ARHGAP42: variants seen among roughly 807,000 people sequenced by gnomAD.
The protein encoded by ARHGAP42 is rho GTPase-activating protein 42.
A neutral mutation model predicts 125.0 loss-of-function variants in ARHGAP42; 63 were observed. The ratio of observed to expected loss-of-function variants is 0.50; its 90% CI spans 0.41 to 0.62. ARHGAP42 has a LOEUF of 0.62. ARHGAP42 is among the 20% of genes least tolerant of loss of function. The pLI, the probability that ARHGAP42 is intolerant of heterozygous loss-of-function variation, is 0.00. For missense variants in ARHGAP42, 766 were observed against 1,024.2 expected (o/e 0.75, Z 3.44); for synonymous variants, 339 against 351.0 (o/e 0.97, Z 0.38).
intron 3 of ARHGAP42, among the ~76,000 whole-genome samples, chr11:100,840,912 G>A (rs1864932223): frequency 1.3e-5 from 2 of 152,096 alleles, no homozygotes; most frequent in African/African-American, 4.8e-5. Flanking sequence ...TTAAACAATT[G>A]TAAATTTTAT....
chr11:100,927,923 C>T (rs537530416), intron 6 of ARHGAP42, among the ~76,000 whole-genome samples: 1 of 152,296 alleles, frequency 6.6e-6, no homozygotes, highest in South Asian at 2.1e-4. Flanking sequence ...TGGCCACTTT[C>T]CATTCTTGGC....
At chr11:100,770,607 T>A (rs1862951016) in intron 2 of ARHGAP42, among the ~76,000 whole-genome samples, 169 bp downstream of exon 2, 1 of 152,182 alleles carries the variant, frequency 6.6e-6, no homozygotes, top group South Asian at 2.1e-4. Flanking sequence ...AGACAGAGTC[T>A]CTCTCTGTCA....
chr11:100,892,360 T>G (rs1866240013), intron 4 of ARHGAP42, among the ~76,000 whole-genome samples: 1 of 152,276 alleles, frequency 6.6e-6, no homozygotes, highest in East Asian at 1.9e-4. Context: ...GTCCAGATGC[T>G]TTGGTAGCTC....
At chr11:100,790,481 G>T (rs1863539936) in intron 2 of ARHGAP42, among the ~76,000 whole-genome samples, 1 of 152,016 alleles carries the variant, frequency 6.6e-6, no homozygotes, top group South Asian at 2.1e-4. Context: ...TTGTTCTTTA[G>T]TAATCTCATG....
In ARHGAP42 at chr11:100,741,330, C is replaced by A. The variant is rs533251816; in HGVS notation, c.155-29013C>A. Among the ~76,000 whole-genome samples the A allele has an allele frequency of 3.9e-5, 6 of 152,102 alleles. No homozygotes were observed. The South Asian group carries it at 6.2e-4, about 16-fold the overall frequency. On this transcript the variant is annotated intron_variant, in intron 1 of 23. Coordinates refer to ENST00000298815, the MANE Select transcript of ARHGAP42 (RefSeq NM_152432.4). ...ACAGGCGTGAGCCACCGCCCCTGGC[C>A]GAAGAAATCTTATTCTTATAGTTAG... is the stretch of plus-strand genomic sequence containing the variant.
chr11:100,854,816 A>G lies in ARHGAP42; in HGVS notation c.313-4738A>G, dbSNP rs533168034. On this transcript the variant is annotated intron_variant, in intron 3 of 23. Coordinates refer to ENST00000298815, the MANE Select transcript of ARHGAP42 (RefSeq NM_152432.4). ...TATTGAGGAAGGAAGAACTAGATACAGTTTGGGACAAGGCAGAGAAGAGAT... is the reference window on the plus strand; with the variant it reads ...TATTGAGGAAGGAAGAACTAGATACGGTTTGGGACAAGGCAGAGAAGAGAT... Among the ~76,000 whole-genome samples, 16 of 152,280 alleles carry G rather than the reference A, an allele frequency of 1.1e-4. No individual in the cohort carries two copies. In the East Asian group the frequency reaches 2.1e-3, roughly 20 times the overall value.
intron 1 of ARHGAP42, among the ~76,000 whole-genome samples, chr11:100,694,996 G>C (rs939153133): frequency 6.6e-6 from 1 of 152,200 alleles, no homozygotes; most frequent in Non-Finnish European, 1.5e-5. Flanking sequence ...GCGCCATTGC[G>C]CTCCAGCCTG....
chr11:100,932,505 CAT>C (rs938486101), intron 6 of ARHGAP42, among the ~76,000 whole-genome samples: 2 of 152,036 alleles, frequency 1.3e-5, no homozygotes, highest in African/African-American at 4.8e-5. Flanking sequence ...CATAAATACA[CAT>C]ATGAATTTGA....
intron 2 of ARHGAP42, among the ~76,000 whole-genome samples, chr11:100,794,360 G>A (rs1863655392): frequency 6.6e-6 from 1 of 151,926 alleles, no homozygotes; most frequent in Non-Finnish European, 1.5e-5. Flanking sequence ...AATTTAAATT[G>A]TTCTTCTTGT....
At position 100,910,675 on chromosome 11, in the gene ARHGAP42, T is replaced by TA. The variant is rs368375507; in HGVS notation, c.385-2774dup. ...AATAAGACTTGGCTTACATGAGCAGTAAATCATGGCTTTTGGAGGAGATGT... is the reference window on the plus strand; with the variant it reads ...AATAAGACTTGGCTTACATGAGCAGTAAAATCATGGCTTTTGGAGGAGATGT... On this transcript the variant is annotated intron_variant, in intron 4 of 23. Coordinates refer to ENST00000298815, the MANE Select transcript of ARHGAP42 (RefSeq NM_152432.4). Among the ~76,000 whole-genome samples the TA allele has an allele frequency of 3.2e-3, 488 of 151,434 alleles. 4 individuals carry two copies. Among genetic ancestry groups the TA allele is most frequent in the African/African-American group, 0.011 (454 of 41,416 alleles).
intron 1 of ARHGAP42, among the ~76,000 whole-genome samples, chr11:100,722,878 T>G (rs1861788511): frequency 2.0e-5 from 3 of 152,162 alleles, no homozygotes. Context: ...CAAACCAAAG[T>G]TTTCTAGATT....
chr11:100,878,829 G>A (rs1047478411), intron 4 of ARHGAP42, among the ~76,000 whole-genome samples: 2 of 152,018 alleles, frequency 1.3e-5, no homozygotes, highest in African/African-American at 2.4e-5. Flanking sequence ...AATGAAAGAT[G>A]CCTCCATGGA....
At chr11:100,879,697 T>C (rs891436056) in intron 4 of ARHGAP42, among the ~76,000 whole-genome samples, 6 of 152,184 alleles carry the variant, frequency 3.9e-5, no homozygotes, top group African/African-American at 1.4e-4. Flanking sequence ...TCATCTACCC[T>C]GTTCTTACCT....
chr11:100,880,886 G>A (rs1422366456), intron 4 of ARHGAP42, among the ~76,000 whole-genome samples: 1 of 152,026 alleles, frequency 6.6e-6, no homozygotes, highest in Non-Finnish European at 1.5e-5. Context: ...TTGGCCATTT[G>A]TATACCTTCT....
chr11:100,869,716 T>G (rs1202896468), intron 4 of ARHGAP42, among the ~76,000 whole-genome samples: 1 of 152,174 alleles, frequency 6.6e-6, no homozygotes, highest in Non-Finnish European at 1.5e-5. Context: ...CACTATATAT[T>G]AAATGTATGC....
At position 100,976,343 on chromosome 11, in the gene ARHGAP42, C is replaced by T. The variant is rs1472367534; in HGVS notation, c.2142C>T (p.Ser714=). 1.7e-5 allele frequency: 27 copies of T among 1,551,476 alleles called. 1 individual carries two copies. In the Admixed American group the frequency reaches 4.5e-4, roughly 26 times the overall value. ...CAGTCACTAGCCCAGGAGACGTTTC[C>T]CCACCCATAGACCTAGTCAAGAAAG... ...VASVTSPGDV[S]PPIDLVKKEP... is the part of the protein sequence containing the mutation. The change falls in exon 20 of 24, where the codon TCC becomes TCT. Residue 714 remains serine (S), a synonymous_variant. Transcript: ENST00000298815.
chr11:100,756,325 G>A (rs1862576911), intron 1 of ARHGAP42, among the ~76,000 whole-genome samples: 1 of 151,912 alleles, frequency 6.6e-6, no homozygotes, highest in Non-Finnish European at 1.5e-5. Flanking sequence ...TTGAGCCCAG[G>A]CAGTTGAAGC....
intron 4 of ARHGAP42, among the ~76,000 whole-genome samples, chr11:100,881,887 T>C (rs1865970753): frequency 6.6e-6 from 1 of 152,162 alleles, no homozygotes; most frequent in Non-Finnish European, 1.5e-5. Flanking sequence ...TAAAAGGAGT[T>C]GAGTTCTTGA....
Position 100,942,127 on chromosome 11 carries a change from A to G in ARHGAP42, c.933+243A>G, listed in dbSNP as rs1867902653. The stretch of plus-strand genomic sequence containing the variant: ...GAGTTAAATGTAGGGATCCTTCAGT[A>G]GATTACAGAGGTGTCATCTCACATT... On this transcript the variant is annotated intron_variant, in intron 9 of 23. Transcript: ENST00000298815. Among the ~76,000 whole-genome samples the G allele has an allele frequency of 2.0e-5, 3 of 152,264 alleles. No individual in the cohort carries two copies. In the South Asian group the frequency reaches 6.2e-4, roughly 32 times the overall value.
Sources: gnomAD v4.1 joint callset for allele counts (sites outside exome capture counted in the v4.1 genomes callset) on GRCh38, gnomAD v4.1.1 for gene constraint, MANE v1.5 for transcripts, NCBI Gene and HGNC (gene_info 2026-07-23, HGNC 2026-07-21) for gene names.